Variants in PDCD6 observed in about 807,000 individuals in gnomAD.
PDCD6 encodes the protein programmed cell death 6.
In PDCD6, 12 loss-of-function variants were observed where a neutral mutation model predicts 28.3. The observed-to-expected ratio is 0.42, with a 90% CI of 0.27 to 0.69. PDCD6 has a LOEUF of 0.69. PDCD6 is among the 30% of genes least tolerant of loss of function. The pLI is 0.22. For synonymous variants in PDCD6, 92 were observed against 108.0 expected (o/e 0.85, Z 0.92); for missense variants, 226 against 269.9 (o/e 0.84, Z 1.14).
chr5:303,119 G>T (rs1407186956), intron 2 of PDCD6, among the ~76,000 whole-genome samples: 4 of 152,116 alleles, frequency 2.6e-5, no homozygotes. Context: ...ACGCACTTCA[G>T]GTGAGAGCGG....
At chr5:273,694 G>GTGGC (rs1737990653) in intron 2 of PDCD6, among the ~76,000 whole-genome samples, 2 of 92,532 alleles carry the variant, frequency 2.2e-5, no homozygotes, top group East Asian at 4.3e-4. Context: ...GCTGTGGGTG[G>GTGGC]GGGGGTGCTG....
At chr5:294,253 A>G (rs1422626009) in intron 2 of PDCD6, among the ~76,000 whole-genome samples, 3 of 144,904 alleles carry the variant, frequency 2.1e-5, no homozygotes, top group Non-Finnish European at 4.4e-5. Context: ...ATCTAAAGAG[A>G]ATGAAACACA....
intron 2 of PDCD6, chr5:276,384 A>C (rs1738204011): frequency 2.0e-6 from 2 of 1,017,734 alleles, no homozygotes; most frequent in South Asian, 7.3e-5. Context: ...AGGAAGGTTC[A>C]TAGTTGTGTT....
intron 2 of PDCD6, among the ~76,000 whole-genome samples, chr5:282,309 CTTTCAGCTG>C (rs1159049115): frequency 6.8e-6 from 1 of 146,250 alleles, no homozygotes; most frequent in African/African-American, 2.6e-5. Flanking sequence ...CGTTGAGGGT[CTTTCAGCTG>C]GAGACTCGGG....
intron 2 of PDCD6, among the ~76,000 whole-genome samples, chr5:303,524 T>A (rs1207606806): frequency 6.6e-6 from 1 of 151,900 alleles, no homozygotes; most frequent in Non-Finnish European, 1.5e-5. Context: ...GATTCAACGA[T>A]GAGTCTGAGG....
chr5:279,011 C>T (rs1486526388), intron 2 of PDCD6, among the ~76,000 whole-genome samples: 1 of 152,100 alleles, frequency 6.6e-6, no homozygotes, highest in African/African-American at 2.4e-5. Flanking sequence ...CTTGTTCTTC[C>T]CAACAGAGAG....
rs964254276 is a variant in PDCD6, at chr5:276,096, G to T, written c.163+3324G>T. On this transcript the variant is annotated intron_variant, in intron 2 of 5. Transcript: ENST00000264933. The stretch of plus-strand genomic sequence containing the variant: ...CTACAAAAAGTAAATGAGTGTAGTG[G>T]TGCACGCCTGTATTCCCAGCTACTT... The T allele has an allele frequency of 4.8e-6, 5 of 1,042,850 alleles. No homozygotes were observed. The African/African-American group carries it at 8.2e-5, about 17-fold the overall frequency. 64.6% of individuals were successfully genotyped at this position (1,042,850 alleles called of 1,614,324 possible). A position where few individuals can be genotyped will look rare whatever the true frequency, so the allele number is the denominator to read the frequency against.
chr5:299,570 GACA>G lies in PDCD6; in HGVS notation c.164-4606_164-4604del, dbSNP rs1164031635. Among the ~76,000 whole-genome samples, 7 of 147,876 alleles carry G rather than the reference GACA, an allele frequency of 4.7e-5. No individual in the cohort carries two copies. The East Asian group carries it at 1.4e-3, about 29-fold the overall frequency. ...TTGAAGGTTTTTTTTTTTTCTTTAAGACAGAGTCTCACTTTGTCGCCCAGGCTG... is the reference window on the plus strand; with the variant it reads ...TTGAAGGTTTTTTTTTTTTCTTTAAGGAGTCTCACTTTGTCGCCCAGGCTG... On this transcript the variant is annotated intron_variant, in intron 2 of 5. Transcript: ENST00000264933.
Position 271,745 on chromosome 5 carries a change from G to A in PDCD6, c.25G>A (p.Gly9Ser). 3.4e-6 allele frequency: 4 copies of A among 1,177,556 alleles called. No homozygotes were observed. Among genetic ancestry groups the A allele is most frequent in the Non-Finnish European group, 4.6e-6 (4 of 872,436 alleles). 72.9% of individuals were successfully genotyped at this position (1,177,556 alleles called of 1,614,324 possible). MAAYSYRP[G>S]PGAGPGPAAG... is the part of the protein sequence containing the mutation. ...CATGGCCGCCTACTCTTACCGCCCC[G>A]GCCCTGGGGCCGGCCCTGGGCCTGC... Residue 9 changes from glycine (G) to serine (S), a missense_variant, in exon 1 of 6, where the codon GGC becomes AGC. Physicochemically the swap from Gly to Ser is moderately conservative, Grantham distance 56 (BLOSUM62 0). Around this residue, in one of 3 missense-constraint regions of PDCD6, gnomAD observed 72 missense variants for 71.4 expected, o/e 1.01. Transcript: ENST00000264933.
intron 2 of PDCD6, among the ~76,000 whole-genome samples, chr5:279,887 G>A (rs1445916500): frequency 5.3e-5 from 8 of 150,866 alleles, no homozygotes; most frequent in Admixed American, 2.0e-4. Flanking sequence ...CAGTAATCAC[G>A]GGTGTGCAAA....
intron 2 of PDCD6, among the ~76,000 whole-genome samples, chr5:300,613 T>C (rs1037049181): frequency 1.3e-5 from 2 of 152,224 alleles, no homozygotes; most frequent in Non-Finnish European, 2.9e-5. Context: ...TGCCCAGGTA[T>C]GTCTAGCACC....
chr5:278,361 C>A (rs1289492256), intron 2 of PDCD6, among the ~76,000 whole-genome samples: 2 of 151,724 alleles, frequency 1.3e-5, no homozygotes, highest in Non-Finnish European at 2.9e-5. Context: ...CTAGGGAAGA[C>A]AGAAAGAAAA....
chr5:273,374 C>T (rs1737965037), intron 2 of PDCD6: 1 of 153,134 alleles, frequency 6.5e-6, no homozygotes, highest in Admixed American at 6.5e-5. Context: ...GTTGTGAGCT[C>T]CCTGGAATTA....
chr5:302,348 A>G (rs1007477539), intron 2 of PDCD6, among the ~76,000 whole-genome samples: 1 of 139,120 alleles, frequency 7.2e-6, no homozygotes, highest in Non-Finnish European at 1.5e-5. Flanking sequence ...TGGGAAGGGC[A>G]CAGCTTCCCT....
intron 2 of PDCD6, among the ~76,000 whole-genome samples, chr5:296,953 A>C (rs527919201): frequency 2.0e-5 from 3 of 152,078 alleles, no homozygotes; most frequent in Non-Finnish European, 2.9e-5. Flanking sequence ...TCTCATCTCA[A>C]GTTCTCTGGT....
At chr5:275,576 T>C (rs544144736) in intron 2 of PDCD6, among the ~76,000 whole-genome samples, 2 of 152,350 alleles carry the variant, frequency 1.3e-5, no homozygotes, top group South Asian at 4.1e-4. Flanking sequence ...TATGACATAG[T>C]CTTAGACTCT....
intron 2 of PDCD6, among the ~76,000 whole-genome samples, chr5:295,161 A>T (rs1739530123): frequency 1.3e-5 from 2 of 152,146 alleles, no homozygotes; most frequent in South Asian, 4.1e-4. Flanking sequence ...CAAGTCAAAG[A>T]CAGAGGGTGT....
At chr5:311,047 C>T (rs934988600) in intron 4 of PDCD6, 5 of 454,158 alleles carry the variant, frequency 1.1e-5, no homozygotes, top group Admixed American at 4.0e-5. Context: ...GTCCCACTCA[C>T]TCCTCCTTCC....
At position 283,778 on chromosome 5, in the gene PDCD6, C is replaced by G. The variant is rs1188897925; in HGVS notation, c.163+11006C>G. Among the ~76,000 whole-genome samples, 4 of 148,618 alleles carry G rather than the reference C, an allele frequency of 2.7e-5. 1 individual carries two copies. Among genetic ancestry groups the G allele is most frequent in the Admixed American group, 2.7e-4 (4 of 14,874 alleles). ...TTCTAGTTTGAGTGTCTTGCAGCTG[C>G]AGACCCATAGAAAAGCTAATGTTCA... On this transcript the variant is annotated intron_variant, in intron 2 of 5. Transcript: ENST00000264933.
Sources: gnomAD v4.1 joint callset for allele counts (sites outside exome capture counted in the v4.1 genomes callset) on GRCh38, gnomAD v4.1.1 for gene constraint, gnomAD v4.1.1 regional missense constraint, MANE v1.5 for transcripts, NCBI Gene and HGNC (gene_info 2026-07-23, HGNC 2026-07-21) for gene names.